Variants in PCDHA9 observed in about 807,000 individuals in gnomAD.
The protein encoded by PCDHA9 is protocadherin alpha-9.
Under a neutral mutation model 62.0 loss-of-function variants are expected in PCDHA9, and 62 were observed. The observed-to-expected ratio is 1.00, with a 90% CI of 0.81 to 1.23. PCDHA9 has a LOEUF of 1.23. Ranked by LOEUF, PCDHA9 falls within the 50% of genes most tolerant of loss-of-function variation. PCDHA9 has a pLI of 0.00. For missense variants in PCDHA9, 1,205 were observed against 1,249.8 expected (o/e 0.96, Z 0.54); for synonymous variants, 557 against 567.6 (o/e 0.98, Z 0.27).
At chr5:140,906,521 C>T (rs529787398) in intron 1 of PCDHA9, among the ~76,000 whole-genome samples, 4 of 152,330 alleles carry the variant, frequency 2.6e-5, no homozygotes, top group African/African-American at 9.6e-5. Flanking sequence ...AGGAAATACT[C>T]ACGACAATTA....
rs1007708043 is a variant in PCDHA9 at position 140,967,271 on chromosome 5, A to G, written c.2395-11678A>G. 3.1e-6 allele frequency: 5 copies of G among 1,613,338 alleles called. No individual in the cohort carries two copies. The South Asian group carries it at 5.5e-5, about 18-fold the overall frequency. On this transcript the variant is annotated intron_variant, in intron 1 of 3. Transcript: ENST00000532602. The stretch of plus-strand genomic sequence containing the variant: ...GGTGGCGCCTGGAGCGCGCTTTCAC[A>G]TAGAGAGTGCGCAGGACCCCGACGT...
At chr5:140,924,662 A>C (rs891233024) in intron 1 of PCDHA9, among the ~76,000 whole-genome samples, 6 of 152,166 alleles carry the variant, frequency 3.9e-5, no homozygotes, top group Non-Finnish European at 5.9e-5. Flanking sequence ...TGGGAGGCCG[A>C]GGCAGGCCAA....
chr5:140,856,904 C>A, intron 1 of PCDHA9: 2 of 1,596,242 alleles, frequency 1.3e-6, no homozygotes, highest in Non-Finnish European at 1.7e-6. Context: ...TTTGGTCCCA[C>A]CCACGATAAG....
intron 1 of PCDHA9, among the ~76,000 whole-genome samples, chr5:140,960,371 T>A (rs2095543916): frequency 6.6e-6 from 1 of 152,196 alleles, no homozygotes; most frequent in Non-Finnish European, 1.5e-5. Context: ...TGCCAACTCT[T>A]AAGTGCCAAG....
intron 1 of PCDHA9, among the ~76,000 whole-genome samples, chr5:140,886,246 A>G (rs1337527671): frequency 1.3e-5 from 2 of 152,144 alleles, no homozygotes; most frequent in Admixed American, 1.3e-4. Flanking sequence ...AAATAAATAA[A>G]AGTATCTCTA....
chr5:140,875,731 A>C, intron 1 of PCDHA9: 14 of 1,614,150 alleles, frequency 8.7e-6, no homozygotes, highest in Non-Finnish European at 1.0e-5. Context: ...TTTGTTTGTG[A>C]ATTCTCGGAT....
chr5:140,920,801 G>A (rs1303863265), intron 1 of PCDHA9, among the ~76,000 whole-genome samples: 2 of 148,716 alleles, frequency 1.3e-5, no homozygotes, highest in Non-Finnish European at 3.0e-5. Context: ...CCAAGATCAC[G>A]CCACTGCACT....
intron 1 of PCDHA9, among the ~76,000 whole-genome samples, chr5:140,977,768 A>G (rs1264929933): frequency 1.3e-5 from 2 of 152,218 alleles, no homozygotes; most frequent in Non-Finnish European, 1.5e-5. Context: ...AATACTTTGC[A>G]TCCCTTAAAG....
intron 1 of PCDHA9, chr5:140,967,964 G>T: frequency 6.2e-7 from 1 of 1,614,210 alleles, no homozygotes. Flanking sequence ...CAACCGGAAA[G>T]TGAGCCTGGG....
Position 141,010,120 on chromosome 5 carries a change from C to T in PCDHA9, c.*183C>T, listed in dbSNP as rs1554262685. 6.2e-7 allele frequency: 1 copy of T among 1,607,404 alleles called. No homozygotes were observed. Among genetic ancestry groups the T allele is most frequent in the Admixed American group, 1.7e-5 (1 of 58,482 alleles). ...AACAGGTTTTGTCGTAAAAGCTTTACTAAGTCTGGTGTTAACTCTTTCTCT... is the reference window on the plus strand; with the variant it reads ...AACAGGTTTTGTCGTAAAAGCTTTATTAAGTCTGGTGTTAACTCTTTCTCT... On this transcript the variant is annotated 3_prime_UTR_variant, in exon 4 of 4. Coordinates refer to ENST00000532602, the MANE Select transcript of PCDHA9 (RefSeq NM_031857.2).
intron 1 of PCDHA9, chr5:140,878,053 C>T (rs2057454277): frequency 2.2e-6 from 1 of 456,148 alleles, no homozygotes; most frequent in Non-Finnish European, 3.5e-6. Flanking sequence ...TGGAGCACCA[C>T]ACTTAATATT....
chr5:140,857,402 C>T (rs2044569708), intron 1 of PCDHA9: 3 of 1,598,498 alleles, frequency 1.9e-6, no homozygotes, highest in Non-Finnish European at 2.6e-6. Flanking sequence ...CGACAACGCG[C>T]CTGCGTTCGC....
chr5:140,984,969 G>A (rs1045140349), intron 3 of PCDHA9, among the ~76,000 whole-genome samples: 8 of 151,670 alleles, frequency 5.3e-5, no homozygotes, highest in South Asian at 2.1e-4. Context: ...ACAGAGTCTC[G>A]CTCTGTCCCC....
chr5:140,981,026 A>T (rs1300851844), intron 2 of PCDHA9, among the ~76,000 whole-genome samples: 3 of 152,088 alleles, frequency 2.0e-5, no homozygotes, highest in Admixed American at 6.5e-5. Flanking sequence ...GGCTGTTAAT[A>T]TTTGGGGAAA....
chr5:140,984,258 CA>C (rs1563514144), intron 3 of PCDHA9, among the ~76,000 whole-genome samples: 1 of 152,262 alleles, frequency 6.6e-6, no homozygotes, highest in East Asian at 1.9e-4. Context: ...TGGTAAGCCA[CA>C]AACTAACTTT....
Position 141,009,784 on chromosome 5 carries a change from G to T in PCDHA9, c.2700G>T (p.Arg900=). The T allele has an allele frequency of 6.2e-7, 1 of 1,614,054 alleles. No individual in the cohort carries two copies. The highest frequency in any genetic ancestry group is 8.5e-7 in the Non-Finnish European group (1 of 1,180,018). ...GATCTCCTGCAATCATCTCCATCCG[G>T]CAGGAGCCTACTAACAGCCAAATTG... ...IPGSPAIISI[R]QEPTNSQIDK... The change falls in exon 4 of 4, where the codon CGG becomes CGT. Residue 900 remains arginine (R), a synonymous_variant. Coordinates refer to ENST00000532602, the MANE Select transcript of PCDHA9 (RefSeq NM_031857.2).
chr5:140,987,523 T>C (rs942927324), intron 3 of PCDHA9, among the ~76,000 whole-genome samples: 1 of 152,174 alleles, frequency 6.6e-6, no homozygotes, highest in Non-Finnish European at 1.5e-5. Context: ...AGTAATTGTA[T>C]GTTCCTGGGA....
rs782568724 is a variant in PCDHA9, at chr5:140,927,659, A to C, written c.2395-51290A>C. Reference sequence around the variant, plus strand: ...AATGGGACTGTGTTATTCCGAGTTCAAGCCTTGGATCCAGATGAAGGGTCC... The same window carrying C: ...AATGGGACTGTGTTATTCCGAGTTCCAGCCTTGGATCCAGATGAAGGGTCC... On this transcript the variant is annotated intron_variant, in intron 1 of 3. Coordinates refer to ENST00000532602, the MANE Select transcript of PCDHA9 (RefSeq NM_031857.2). 4 of 1,614,108 alleles carry C rather than the reference A, an allele frequency of 2.5e-6. No homozygotes were observed. In the East Asian group the frequency reaches 6.7e-5, roughly 27 times the overall value.
At chr5:141,005,769 G>A (rs1421440870) in intron 3 of PCDHA9, among the ~76,000 whole-genome samples, 3 of 129,926 alleles carry the variant, frequency 2.3e-5, no homozygotes, top group Non-Finnish European at 4.9e-5. Context: ...AAGCAAACCA[G>A]ATGTGTAAAG....
Sources: allele counts gnomAD v4.1 joint callset (sites outside exome capture counted in the v4.1 genomes callset), GRCh38; gene constraint gnomAD v4.1.1; transcripts MANE v1.5; gene names NCBI Gene and HGNC (gene_info 2026-07-23, HGNC 2026-07-21).